GRID2: variants seen among roughly 807,000 people sequenced by gnomAD.
The protein encoded by GRID2 is glutamate ionotropic receptor delta type subunit 2, also known as glutamate receptor ionotropic, delta-2.
A neutral mutation model predicts 114.8 loss-of-function variants in GRID2; 33 were observed. The ratio of observed to expected loss-of-function variants is 0.29; its 90% CI spans 0.22 to 0.38. The LOEUF (loss-of-function observed/expected upper bound fraction) is 0.38. Among genes scored for constraint, GRID2 ranks in the 10% least tolerant of loss-of-function variants. GRID2 has a pLI of 1.00. For missense variants in GRID2, 1,184 were observed against 1,257.7 expected (o/e 0.94, Z 0.89); for synonymous variants, 505 against 449.9 (o/e 1.12, Z -1.55).
chr4:92,339,944 A>G (rs1316856317), intron 1 of GRID2, among the ~76,000 whole-genome samples: 1 of 152,216 alleles, frequency 6.6e-6, no homozygotes, highest in African/African-American at 2.4e-5. Flanking sequence ...GCTCATGTTG[A>G]AAACACATAA....
intron 2 of GRID2, among the ~76,000 whole-genome samples, chr4:93,020,803 C>T (rs933663154): frequency 3.9e-5 from 6 of 152,148 alleles, no homozygotes; most frequent in Admixed American, 1.3e-4. Flanking sequence ...AAGGCCGAGG[C>T]GGGCAGATCA....
intron 1 of GRID2, among the ~76,000 whole-genome samples, chr4:92,416,173 T>G (rs1270744511): frequency 6.6e-6 from 1 of 152,294 alleles, no homozygotes; most frequent in East Asian, 1.9e-4. Context: ...ACAATTTTTT[T>G]CATATGTTTG....
At chr4:92,618,316 T>C (rs959375376) in intron 2 of GRID2, among the ~76,000 whole-genome samples, 4 of 151,784 alleles carry the variant, frequency 2.6e-5, no homozygotes, top group African/African-American at 9.7e-5. Context: ...ATCAGTTGGC[T>C]GTAGATGTAT....
chr4:93,468,368 TAATAAATA>T (rs34653547), intron 11 of GRID2, among the ~76,000 whole-genome samples: 96 of 151,334 alleles, frequency 6.3e-4, no homozygotes, highest in Admixed American at 1.7e-3. Context: ...ATAACAGCCA[TAATAAATA>T]AATAAATAAA....
intron 14 of GRID2, among the ~76,000 whole-genome samples, chr4:93,693,435 A>C (rs945938108): frequency 6.6e-6 from 1 of 152,230 alleles, no homozygotes; most frequent in Non-Finnish European, 1.5e-5. Flanking sequence ...AAAACTAGAT[A>C]TCCCCTGAGG....
At chr4:92,403,336 T>G (rs1730876278) in intron 1 of GRID2, among the ~76,000 whole-genome samples, 1 of 152,160 alleles carries the variant, frequency 6.6e-6, no homozygotes, top group Non-Finnish European at 1.5e-5. Flanking sequence ...GAGGCTTACC[T>G]TTCAGCCTAT....
In GRID2 at chr4:92,339,922, C is replaced by T. The variant is rs138782950; in HGVS notation, c.88+35178C>T. On this transcript the variant is annotated intron_variant, in intron 1 of 15. Transcript: ENST00000282020. The stretch of plus-strand genomic sequence containing the variant: ...AAAGAAGAATGCAAATCACAAAGCT[C>T]GTTTTTATTAGGCTCATGTTGAAAA... Among the ~76,000 whole-genome samples, 71 of 152,184 alleles carry T rather than the reference C, an allele frequency of 4.7e-4. 1 individual carries two copies. In the East Asian group the frequency reaches 0.012, roughly 25 times the overall value.
chr4:92,914,171 T>C (rs544960668), intron 2 of GRID2, among the ~76,000 whole-genome samples: 11 of 152,256 alleles, frequency 7.2e-5, no homozygotes, highest in African/African-American at 2.6e-4. Flanking sequence ...ATTGTACATA[T>C]TTAATAATGT....
At chr4:92,878,740 G>T (rs1220372354) in intron 2 of GRID2, among the ~76,000 whole-genome samples, 6 of 152,038 alleles carry the variant, frequency 3.9e-5, no homozygotes, top group Admixed American at 3.9e-4. Flanking sequence ...TATAGTGATA[G>T]AAATAATATT....
intron 13 of GRID2, among the ~76,000 whole-genome samples, chr4:93,552,658 A>C (rs1488693375): frequency 6.6e-6 from 1 of 152,064 alleles, no homozygotes; most frequent in Non-Finnish European, 1.5e-5. Context: ...TTATACTTTA[A>C]GTTCTAGGGT....
chr4:93,230,974 C>A (rs1475364346), intron 7 of GRID2, among the ~76,000 whole-genome samples: 1 of 152,026 alleles, frequency 6.6e-6, no homozygotes, highest in Non-Finnish European at 1.5e-5. Flanking sequence ...TAACCTAGAG[C>A]AAGCTTTCAA....
At chr4:93,099,340 C>A (rs1481331882) in intron 3 of GRID2, among the ~76,000 whole-genome samples, 2 of 151,702 alleles carry the variant, frequency 1.3e-5, no homozygotes, top group East Asian at 3.9e-4. Flanking sequence ...TTATTTGTTT[C>A]ATTTTGTTTT....
intron 2 of GRID2, among the ~76,000 whole-genome samples, chr4:92,659,962 C>G (rs1388848696): frequency 6.6e-6 from 1 of 151,460 alleles, no homozygotes; most frequent in South Asian, 2.1e-4. Context: ...AATTCTAACA[C>G]TGAACGTTAA....
At chr4:92,821,118 A>G (rs1197197773) in intron 2 of GRID2, among the ~76,000 whole-genome samples, 2 of 152,186 alleles carry the variant, frequency 1.3e-5, no homozygotes. Flanking sequence ...ATACTCCAAA[A>G]GTAGATATTT....
intron 12 of GRID2, among the ~76,000 whole-genome samples, chr4:93,504,889 CAA>C (rs1263232248): frequency 6.6e-6 from 1 of 151,768 alleles, no homozygotes; most frequent in African/African-American, 2.4e-5. Flanking sequence ...TTTAATTTGA[CAA>C]AGAGAAGGCT....
At chr4:93,523,381 G>C (rs1730524341) in intron 13 of GRID2, among the ~76,000 whole-genome samples, 1 of 152,068 alleles carries the variant, frequency 6.6e-6, no homozygotes, top group South Asian at 2.1e-4. Context: ...TCACTCTCAA[G>C]AGTATTACCA....
chr4:93,244,502 GATTATATAATCTATTAATTAATA>G (rs1747929357), intron 8 of GRID2, among the ~76,000 whole-genome samples: 2 of 50,052 alleles, frequency 4.0e-5, no homozygotes, highest in African/African-American at 1.6e-4. Flanking sequence ...TTAATTAATA[GATTATATAATCTATTAATTAATA>G]GATTATATAA....
chr4:93,721,388 C>G (rs534220688), intron 14 of GRID2, among the ~76,000 whole-genome samples: 98 of 152,264 alleles, frequency 6.4e-4, no homozygotes, highest in African/African-American at 2.3e-3. Context: ...GTTCACCAGG[C>G]TAACTATGTG....
At chr4:92,776,705 ACTT>A (rs1738817202) in intron 2 of GRID2, among the ~76,000 whole-genome samples, 5 of 152,034 alleles carry the variant, frequency 3.3e-5, no homozygotes, top group Admixed American at 1.3e-4. Context: ...TGTTCTCTCT[ACTT>A]CTATAGGAAT....
Sources: allele counts gnomAD v4.1 joint callset (sites outside exome capture counted in the v4.1 genomes callset), GRCh38; gene constraint gnomAD v4.1.1; transcripts MANE v1.5; gene names NCBI Gene and HGNC (gene_info 2026-07-23, HGNC 2026-07-21).